The following BRINP1 variants were observed in gnomAD, a reference collection of about 807,000 sequenced individuals.
BRINP1 encodes BMP/retinoic acid inducible neural specific 1, also known as BMP/retinoic acid-inducible neural-specific protein 1.
In BRINP1, 17 loss-of-function variants were observed where a neutral mutation model predicts 72.9. That is an observed-to-expected ratio of 0.23 (90% CI 0.16 to 0.35). The LOEUF (loss-of-function observed/expected upper bound fraction) is 0.35. Among genes scored for constraint, BRINP1 ranks in the 10% least tolerant of loss-of-function variants. BRINP1 has a pLI of 1.00. For synonymous variants in BRINP1, 418 were observed against 378.5 expected (o/e 1.10, Z -1.21); for missense variants, 850 against 1,001.6 (o/e 0.85, Z 2.04).
intron 2 of BRINP1, among the ~76,000 whole-genome samples, chr9:119,270,689 G>A (rs1830597698): frequency 6.6e-6 from 1 of 152,130 alleles, no homozygotes; most frequent in African/African-American, 2.4e-5. Context: ...CAGAAGTACA[G>A]GTTTATACAC....
At chr9:119,270,576 G>A (rs1390329146) in intron 2 of BRINP1, among the ~76,000 whole-genome samples, 4 of 152,180 alleles carry the variant, frequency 2.6e-5, no homozygotes, top group African/African-American at 9.7e-5. Context: ...TCAAGGAAGA[G>A]TAAAAGGTTT....
intron 5 of BRINP1, among the ~76,000 whole-genome samples, chr9:119,222,981 G>A (rs922610593): frequency 2.6e-5 from 4 of 151,864 alleles, no homozygotes; most frequent in African/African-American, 9.7e-5. Context: ...CTGATCCCTG[G>A]ATCAGCTGAT....
At chr9:119,323,835 G>A in intron 1 of BRINP1, among the ~76,000 whole-genome samples, 1 of 152,152 alleles carries the variant, frequency 6.6e-6, no homozygotes, top group Admixed American at 6.5e-5. Context: ...TGGGGAAAGA[G>A]GAAAATCTGG....
chr9:119,345,546 C>T (rs370980991), intron 1 of BRINP1, among the ~76,000 whole-genome samples: 2 of 152,260 alleles, frequency 1.3e-5, no homozygotes, highest in African/African-American at 4.8e-5. Flanking sequence ...CATAGCAATA[C>T]CCTACTCATC....
Position 119,167,080 on chromosome 9 carries a change from C to A in BRINP1, c.*4G>T. 6.3e-7 allele frequency: 1 copy of A among 1,587,992 alleles called. No homozygotes were observed. Among genetic ancestry groups the A allele is most frequent in the Non-Finnish European group, 8.6e-7 (1 of 1,163,904 alleles). On this transcript the variant is annotated 3_prime_UTR_variant, in exon 8 of 8. Coordinates refer to ENST00000265922, the MANE Select transcript of BRINP1 (RefSeq NM_014618.3). This position sits in a 1 kb window ranked among gnomAD's most constrained non-coding sequence, Gnocchi z 4.3. ...AGGAAAAGTCCATGGCAAGGAGTCC[C>A]GGGTTAGCAGAGTTTGGCTGTCATC...
At chr9:119,317,676 A>C (rs1831138879) in intron 1 of BRINP1, among the ~76,000 whole-genome samples, 1 of 152,230 alleles carries the variant, frequency 6.6e-6, no homozygotes, top group African/African-American at 2.4e-5. Flanking sequence ...AAATTATTTC[A>C]TGAAAGAAAG....
At chr9:119,179,601 C>CAGTT (rs1829530405) in intron 7 of BRINP1, among the ~76,000 whole-genome samples, 2 of 152,176 alleles carry the variant, frequency 1.3e-5, no homozygotes, top group South Asian at 2.1e-4. Context: ...TACATCATGG[C>CAGTT]AGTTACCACT....
In BRINP1 at chr9:119,169,923, A is replaced by G. The variant is rs141763423; in HGVS notation, c.1146-1699T>C. Among the ~76,000 whole-genome samples the G allele has an allele frequency of 6.3e-3, 954 of 152,064 alleles. 13 individuals carry two copies. Among genetic ancestry groups the G allele is most frequent in the African/African-American group, 0.021 (887 of 41,340 alleles). Reference sequence around the variant, plus strand: ...CAACAGACTTGCAGCTGAGGGTCCTATCTGTTAGAAGGAAAACTAACAAAC... The same window carrying G: ...CAACAGACTTGCAGCTGAGGGTCCTGTCTGTTAGAAGGAAAACTAACAAAC... On this transcript the variant is annotated intron_variant, in intron 7 of 7. Transcript: ENST00000265922.
chr9:119,213,231 T>A (rs1332457), intron 6 of BRINP1, among the ~76,000 whole-genome samples: 22,977 of 152,170 alleles, frequency 0.15, 2,160 homozygotes, highest in Admixed American at 0.26. Flanking sequence ...AGACGTATCC[T>A]TGACATTTCC....
chr9:119,264,325 GCCAC>G (rs1830526758), intron 2 of BRINP1, among the ~76,000 whole-genome samples: 2 of 152,194 alleles, frequency 1.3e-5, no homozygotes, highest in African/African-American at 4.8e-5. Context: ...AAGAACAAAT[GCCAC>G]CCACCTGGTC....
At chr9:119,277,304 G>C (rs1379198407) in intron 2 of BRINP1, among the ~76,000 whole-genome samples, 1 of 152,154 alleles carries the variant, frequency 6.6e-6, no homozygotes, top group Non-Finnish European at 1.5e-5. Flanking sequence ...CATTGGCTTT[G>C]AAATCTCCAT....
In BRINP1 at chr9:119,368,561, T is replaced by C. The variant is rs1831719787; in HGVS notation, c.-51+495A>G. 6.6e-6 allele frequency among the ~76,000 whole-genome samples: 1 copy of C among 151,972 alleles called. No individual in the cohort carries two copies. The highest frequency in any genetic ancestry group is 2.4e-5 in the African/African-American group (1 of 41,374). The stretch of plus-strand genomic sequence containing the variant: ...TCCCGGTGACTACGTGATCCTATAG[T>C]AAGGGTCCCATTCCGTGTAAGCTGG... On this transcript the variant is annotated intron_variant, in intron 1 of 7. Coordinates refer to ENST00000265922, the MANE Select transcript of BRINP1 (RefSeq NM_014618.3). The surrounding 1 kb of genome is among the most constrained non-coding windows in gnomAD (Gnocchi z 4.7).
intron 1 of BRINP1, among the ~76,000 whole-genome samples, chr9:119,345,263 A>G (rs957334690): frequency 6.6e-6 from 1 of 152,168 alleles, no homozygotes; most frequent in African/African-American, 2.4e-5. Flanking sequence ...TCCATGTTAG[A>G]CTTTAGTTTC....
chr9:119,200,583 C>T (rs1264166703), intron 7 of BRINP1, among the ~76,000 whole-genome samples: 1 of 142,364 alleles, frequency 7.0e-6, no homozygotes, highest in Non-Finnish European at 1.5e-5. Flanking sequence ...ATGATCATAC[C>T]ACTGCACTTC....
intron 2 of BRINP1, among the ~76,000 whole-genome samples, chr9:119,299,206 G>C (rs1188189885): frequency 5.3e-5 from 8 of 152,036 alleles, no homozygotes; most frequent in Non-Finnish European, 4.4e-5. Flanking sequence ...CTGAAATTTT[G>C]TATCCTTTGA....
chr9:119,272,171 C>T (rs568629873), intron 2 of BRINP1, among the ~76,000 whole-genome samples: 145 of 151,320 alleles, frequency 9.6e-4, no homozygotes, highest in African/African-American at 3.3e-3. Context: ...CTCCGCCTCC[C>T]GGGTTCAAGC....
chr9:119,313,700 T>C (rs1886372), intron 1 of BRINP1, among the ~76,000 whole-genome samples: 59,047 of 151,882 alleles, frequency 0.39, 11,981 homozygotes, highest in Non-Finnish European at 0.44. Context: ...TTCTTGGAAG[T>C]AAAACTGAGG....
chr9:119,330,201 C>G (rs990672490), intron 1 of BRINP1, among the ~76,000 whole-genome samples: 1 of 152,258 alleles, frequency 6.6e-6, no homozygotes, highest in South Asian at 2.1e-4. Context: ...TTTGCTAAAC[C>G]AGAGCCATCT....
intron 7 of BRINP1, among the ~76,000 whole-genome samples, chr9:119,201,939 C>T (rs1208863638): frequency 6.6e-6 from 1 of 152,072 alleles, no homozygotes. Context: ...TTCCTTTTCT[C>T]TCCTGCATCC....
Sources: gnomAD v4.1 joint callset for allele counts (sites outside exome capture counted in the v4.1 genomes callset) on GRCh38, gnomAD v4.1.1 for gene constraint, Gnocchi (gnomAD v3.1) non-coding constraint, MANE v1.5 for transcripts, NCBI Gene and HGNC (gene_info 2026-07-23, HGNC 2026-07-21) for gene names.